CRYZL1: variants seen among roughly 807,000 people sequenced by gnomAD.
The protein encoded by CRYZL1 is crystallin zeta like 1.
In CRYZL1, 34 loss-of-function variants were observed where a neutral mutation model predicts 50.6. That is an observed-to-expected ratio of 0.67 (90% CI 0.51 to 0.89). CRYZL1 has a LOEUF of 0.89. CRYZL1 is among the 40% of genes least tolerant of loss of function. CRYZL1 has a pLI of 0.00. For missense variants in CRYZL1, 354 were observed against 402.3 expected, an observed-to-expected ratio of 0.88 and a Z score of 1.03; for synonymous variants, 125 against 134.3, an observed-to-expected ratio of 0.93 and a Z score of 0.48.
At chr21:33,637,074 A>G (rs1326063009) in intron 1 of CRYZL1, among the ~76,000 whole-genome samples, 1 of 152,140 alleles carries the variant, frequency 6.6e-6, no homozygotes, top group African/African-American at 2.4e-5. Flanking sequence ...GCATCAGACC[A>G]ACTTCAAATT....
intron 6 of CRYZL1, among the ~76,000 whole-genome samples, chr21:33,604,524 G>T (rs1489548882): frequency 3.7e-5 from 3 of 81,694 alleles, no homozygotes; most frequent in African/African-American, 1.2e-4. Flanking sequence ...GCAAGACTCC[G>T]TCTCAAAAAA....
intron 8 of CRYZL1, among the ~76,000 whole-genome samples, chr21:33,600,056 C>A (rs1359121280): frequency 1.3e-5 from 2 of 152,074 alleles, no homozygotes; most frequent in Admixed American, 1.3e-4. Context: ...CACCGTAAGT[C>A]AAAAATGCAC....
intron 6 of CRYZL1, among the ~76,000 whole-genome samples, chr21:33,607,391 C>T (rs2086824596): frequency 6.6e-6 from 1 of 152,098 alleles, no homozygotes. Flanking sequence ...GTAATGCCAG[C>T]ACTTTGGGAG....
chr21:33,630,025 G>GT (rs1254847091), intron 2 of CRYZL1, among the ~76,000 whole-genome samples: 1 of 152,108 alleles, frequency 6.6e-6, no homozygotes. Context: ...TTAATGTGAT[G>GT]TATCACATTT....
intron 4 of CRYZL1, among the ~76,000 whole-genome samples, chr21:33,621,182 G>T (rs2086995682): frequency 6.6e-6 from 1 of 150,570 alleles, no homozygotes; most frequent in African/African-American, 2.4e-5. Context: ...TGGGATTACA[G>T]GCGTGAGCCA....
At chr21:33,609,101 T>A (rs891619275) in intron 6 of CRYZL1, among the ~76,000 whole-genome samples, 1 of 152,234 alleles carries the variant, frequency 6.6e-6, no homozygotes, top group Non-Finnish European at 1.5e-5. Flanking sequence ...TAATGATTAC[T>A]GATGTCGAGT....
intron 9 of CRYZL1, among the ~76,000 whole-genome samples, chr21:33,598,649 T>C (rs1166306615): frequency 2.6e-5 from 4 of 152,314 alleles, no homozygotes; most frequent in East Asian, 1.9e-4. Context: ...TGGGAGCCAC[T>C]GAGGAGGCCA....
At chr21:33,641,054 A>G (rs773754388) in intron 1 of CRYZL1, 164 of 1,413,224 alleles carry the variant, frequency 1.2e-4, no homozygotes, top group Non-Finnish European at 1.5e-4. Flanking sequence ...GACTCGCATT[A>G]TATTTGTACT....
chr21:33,619,631 T>C (rs1444522934), intron 4 of CRYZL1, among the ~76,000 whole-genome samples: 3 of 152,110 alleles, frequency 2.0e-5, no homozygotes, highest in African/African-American at 2.4e-5. Context: ...CAAGCCATCC[T>C]CTCACCTCTG....
chr21:33,639,838 T>C (rs2087256324), intron 1 of CRYZL1: 1 of 179,114 alleles, frequency 5.6e-6, no homozygotes, highest in African/African-American at 2.4e-5. Flanking sequence ...TTTTTTTTTT[T>C]TTTTGAGACA....
chr21:33,616,632 TAATAGTTATATAG>T, intron 5 of CRYZL1, 61 bp downstream of exon 5: 1 of 1,601,568 alleles, frequency 6.2e-7, no homozygotes, highest in Non-Finnish European at 8.5e-7. Flanking sequence ...CAGTGAACAT[TAATAGTTATATAG>T]AAAAAACAGA....
At chr21:33,640,198 G>C in intron 1 of CRYZL1, 1 of 1,548,012 alleles carries the variant, frequency 6.5e-7, no homozygotes, top group Non-Finnish European at 8.7e-7. Context: ...TCTACAAAAA[G>C]AGCATAGTTA....
chr21:33,589,706 G>A lies in CRYZL1; in HGVS notation c.*116C>T. 1 of 680,014 alleles carries A rather than the reference G, an allele frequency of 1.5e-6. No individual in the cohort carries two copies. Among genetic ancestry groups the A allele is most frequent in the East Asian group, 2.7e-5 (1 of 36,578 alleles). The allele number at this position is 680,014 out of a possible 1,614,324, so 42.1% of individuals were successfully genotyped here. A position where few individuals can be genotyped will look rare whatever the true frequency, so the allele number is the denominator to read the frequency against. ...GCATCTTGTCTTAGCAGAGAAACGT[G>A]CTTAAAAATGCAACTTGTTTTATCT... On this transcript the variant is annotated 3_prime_UTR_variant, in exon 13 of 13. Coordinates refer to ENST00000381554, the MANE Select transcript of CRYZL1 (RefSeq NM_145858.3).
At chr21:33,629,896 T>C (rs2087117809) in intron 2 of CRYZL1, among the ~76,000 whole-genome samples, 1 of 152,314 alleles carries the variant, frequency 6.6e-6, no homozygotes, top group Non-Finnish European at 1.5e-5. Context: ...ATTATATTGA[T>C]GTATATTCAT....
chr21:33,622,285 G>C (rs979337249), intron 3 of CRYZL1, among the ~76,000 whole-genome samples: 2 of 152,142 alleles, frequency 1.3e-5, no homozygotes, highest in African/African-American at 4.8e-5. Context: ...GCAGGACTTA[G>C]GAATGAATAT....
At chr21:33,601,595 A>G (rs1048855952) in intron 8 of CRYZL1, among the ~76,000 whole-genome samples, 1 of 152,246 alleles carries the variant, frequency 6.6e-6, no homozygotes, top group Non-Finnish European at 1.5e-5. Context: ...AAGTTTAAAA[A>G]AAAATAATTA....
At chr21:33,627,219 T>C (rs2087077087) in intron 2 of CRYZL1, among the ~76,000 whole-genome samples, 1 of 151,768 alleles carries the variant, frequency 6.6e-6, no homozygotes. Flanking sequence ...GGTGTGAACA[T>C]GGCTCACTGT....
chr21:33,637,764 T>TATATAC (rs2087226873), intron 1 of CRYZL1, among the ~76,000 whole-genome samples: 1 of 103,686 alleles, frequency 9.6e-6, no homozygotes, highest in South Asian at 3.9e-4. Flanking sequence ...GAAAAACATA[T>TATATAC]ATATATATAT....
intron 6 of CRYZL1, among the ~76,000 whole-genome samples, chr21:33,605,900 C>G (rs572902690): frequency 2.0e-4 from 31 of 152,164 alleles, no homozygotes; most frequent in African/African-American, 7.2e-4. Flanking sequence ...TGAAATGCTT[C>G]CTCTAGTAGC....
Sources: allele counts gnomAD v4.1 joint callset (sites outside exome capture counted in the v4.1 genomes callset), GRCh38; gene constraint gnomAD v4.1.1; transcripts MANE v1.5; gene names NCBI Gene and HGNC (gene_info 2026-07-23, HGNC 2026-07-21).